Variants in MALRD1 observed in about 807,000 individuals in gnomAD.
MALRD1 encodes the protein MAM and LDL receptor class A domain containing 1.
A neutral mutation model predicts 242.1 loss-of-function variants in MALRD1; 247 were observed. That is an observed-to-expected ratio of 1.02 (90% CI 0.92 to 1.13). The LOEUF (loss-of-function observed/expected upper bound fraction) is 1.13. MALRD1 is among the 50% of genes most tolerant of loss of function. The probability of loss-of-function intolerance (pLI) is 0.00; values close to 1 mark genes in which losing one functional copy is unlikely to be tolerated. For synonymous variants in MALRD1, 995 were observed against 866.6 expected (o/e 1.15, Z -2.60); for missense variants, 2,989 against 2,533.1 (o/e 1.18, Z -3.86).
At chr10:19,395,712 C>G (rs1846547839) in intron 28 of MALRD1, among the ~76,000 whole-genome samples, 1 of 152,188 alleles carries the variant, frequency 6.6e-6, no homozygotes, top group South Asian at 2.1e-4. Flanking sequence ...GACAACATCA[C>G]AATGCTCTAG....
intron 31 of MALRD1, among the ~76,000 whole-genome samples, chr10:19,530,404 T>TATAAAGATATA (rs1564417318): frequency 1.0e-4 from 2 of 19,280 alleles, no homozygotes; most frequent in East Asian, 1.7e-3. Flanking sequence ...ATAAATATTA[T>TATAAAGATATA]ATATTTATAT....
intron 32 of MALRD1, among the ~76,000 whole-genome samples, chr10:19,548,318 G>T (rs1564432365): frequency 6.6e-6 from 1 of 151,874 alleles, no homozygotes; most frequent in Non-Finnish European, 1.5e-5. Flanking sequence ...CATTCGATGG[G>T]TTGATTAGAT....
chr10:19,063,871 C>T (rs1834894652), intron 1 of MALRD1, among the ~76,000 whole-genome samples: 1 of 151,814 alleles, frequency 6.6e-6, no homozygotes, highest in South Asian at 2.1e-4. Flanking sequence ...TGCAGCACAC[C>T]AGCATGGCAC....
chr10:19,333,136 T>C (rs1238140415), intron 24 of MALRD1, among the ~76,000 whole-genome samples: 6 of 139,550 alleles, frequency 4.3e-5, no homozygotes, highest in Admixed American at 1.4e-4. Flanking sequence ...ACACCACTTC[T>C]TTTTAAAAAA....
intron 28 of MALRD1, among the ~76,000 whole-genome samples, chr10:19,408,261 T>C (rs896249472): frequency 6.6e-6 from 1 of 152,126 alleles, no homozygotes; most frequent in Non-Finnish European, 1.5e-5. Context: ...TAGGAATTGG[T>C]CAGCAGGCGA....
rs75860864 is a variant in MALRD1, at chr10:19,414,506, A to G, written c.4845+24897A>G. On this transcript the variant is annotated intron_variant, in intron 28 of 39. Coordinates refer to ENST00000454679, the MANE Select transcript of MALRD1 (RefSeq NM_001142308.3). ...CTAGTTTTGGAGAAGAAAATGATGA[A>G]TTGGTTTTAGATTGCCATGTAATTT... Among the ~76,000 whole-genome samples, 7 of 152,286 alleles carry G rather than the reference A, an allele frequency of 4.6e-5. No individual in the cohort carries two copies. The East Asian group carries it at 1.4e-3, about 29-fold the overall frequency.
chr10:19,077,482 G>C (rs1290856731), intron 2 of MALRD1, among the ~76,000 whole-genome samples: 1 of 151,872 alleles, frequency 6.6e-6, no homozygotes, highest in Admixed American at 6.6e-5. Flanking sequence ...TTTAAGTATT[G>C]AGAAATTATT....
intron 23 of MALRD1, among the ~76,000 whole-genome samples, chr10:19,330,804 C>A (rs1357783910): frequency 6.6e-6 from 1 of 151,814 alleles, no homozygotes; most frequent in Non-Finnish European, 1.5e-5. Flanking sequence ...CTGCTCATCA[C>A]ATACATGAAT....
intron 17 of MALRD1, among the ~76,000 whole-genome samples, chr10:19,205,507 C>T (rs966366575): frequency 1.3e-4 from 19 of 150,918 alleles, no homozygotes; most frequent in African/African-American, 4.1e-4. Context: ...CCTGCCCTTG[C>T]GGAGCTTACA....
At chr10:19,568,178 C>A (rs1016149964) in intron 33 of MALRD1, among the ~76,000 whole-genome samples, 5 of 152,124 alleles carry the variant, frequency 3.3e-5, no homozygotes, top group African/African-American at 1.2e-4. Context: ...TTCTAAACAC[C>A]TTTTCTAAAA....
chr10:19,695,130 G>A (rs751720927), intron 38 of MALRD1, among the ~76,000 whole-genome samples: 2 of 152,094 alleles, frequency 1.3e-5, no homozygotes, highest in Non-Finnish European at 2.9e-5. Flanking sequence ...TAAATGATGA[G>A]TTAATGGGTG....
At chr10:19,232,870 A>G (rs1234078475) in intron 18 of MALRD1, among the ~76,000 whole-genome samples, 1 of 152,124 alleles carries the variant, frequency 6.6e-6, no homozygotes, top group African/African-American at 2.4e-5. Flanking sequence ...AAAATGGTTC[A>G]GGCATCCAGC....
chr10:19,244,908 T>C (rs979322860), intron 18 of MALRD1, among the ~76,000 whole-genome samples: 1 of 152,192 alleles, frequency 6.6e-6, no homozygotes, highest in Non-Finnish European at 1.5e-5. Context: ...TGGTTGCTTC[T>C]CTGCACCTCC....
chr10:19,493,770 A>G (rs954768782), intron 30 of MALRD1, among the ~76,000 whole-genome samples: 11 of 151,968 alleles, frequency 7.2e-5, no homozygotes, highest in African/African-American at 2.7e-4. Context: ...CTGAGATTGT[A>G]CCACTGCACT....
chr10:19,127,436 T>C (rs978933540), intron 7 of MALRD1, among the ~76,000 whole-genome samples: 27 of 152,194 alleles, frequency 1.8e-4, no homozygotes, highest in Non-Finnish European at 4.4e-5. Context: ...TAAAATTTGC[T>C]CTCATGTTCT....
At chr10:19,176,300 G>T (rs1410306215) in intron 14 of MALRD1, among the ~76,000 whole-genome samples, 4 of 148,562 alleles carry the variant, frequency 2.7e-5, no homozygotes, top group African/African-American at 9.9e-5. Context: ...GGCGATTAAA[G>T]AACTTTTAAT....
At chr10:19,323,554 GA>G (rs1189769491) in intron 21 of MALRD1, among the ~76,000 whole-genome samples, 1 of 152,056 alleles carries the variant, frequency 6.6e-6, no homozygotes, top group Non-Finnish European at 1.5e-5. Context: ...ATACTTTTAG[GA>G]AAAAATATAA....
At chr10:19,095,342 C>CA (rs955403591) in intron 4 of MALRD1, among the ~76,000 whole-genome samples, 2 of 152,158 alleles carry the variant, frequency 1.3e-5, no homozygotes, top group East Asian at 1.9e-4. Flanking sequence ...AAGAAGGCTA[C>CA]AAAAAATCCC....
chr10:19,710,050 A>G (rs868149662), intron 38 of MALRD1, among the ~76,000 whole-genome samples: 7 of 152,196 alleles, frequency 4.6e-5, no homozygotes, highest in African/African-American at 1.2e-4. Context: ...TAGTGAGCCA[A>G]TGATCACACC....
Sources: allele counts gnomAD v4.1 joint callset (sites outside exome capture counted in the v4.1 genomes callset), GRCh38; gene constraint gnomAD v4.1.1; transcripts MANE v1.5; gene names NCBI Gene and HGNC (gene_info 2026-07-23, HGNC 2026-07-21).